Variants in C18orf63 observed in about 807,000 individuals in gnomAD.
C18orf63 encodes uncharacterized protein C18orf63.
In C18orf63, 50 loss-of-function variants were observed where a neutral mutation model predicts 75.3. The ratio of observed to expected loss-of-function variants is 0.66; its 90% CI spans 0.53 to 0.84. The LOEUF is 0.84. C18orf63 is among the 40% of genes least tolerant of loss of function. The pLI, the probability that C18orf63 is intolerant of heterozygous loss-of-function variation, is 0.00. For synonymous variants in C18orf63, 232 were observed against 267.6 expected (o/e 0.87, Z 1.30); for missense variants, 732 against 800.2 (o/e 0.91, Z 1.03).
chr18:74,329,277 A>C (rs1481062887), intron 6 of C18orf63, among the ~76,000 whole-genome samples: 1 of 150,640 alleles, frequency 6.6e-6, no homozygotes, highest in Non-Finnish European at 1.5e-5. Context: ...TGGGAGGCTG[A>C]AGTGGAGAGC....
At chr18:74,353,218 ATT>A in intron 11 of C18orf63, 26 bp from the exon 12 acceptor site, 1 of 1,389,798 alleles carries the variant, frequency 7.2e-7, no homozygotes, top group Non-Finnish European at 9.6e-7. Flanking sequence ...AACATTTTAA[ATT>A]TTTTTTTAAT....
At chr18:74,343,764 TCTCTTGTCTTCTG>T in intron 11 of C18orf63, 62 bp downstream of exon 11, 1 of 1,119,324 alleles carries the variant, frequency 8.9e-7, no homozygotes, top group Non-Finnish European at 1.2e-6. Context: ...TTTACTTGAA[TCTCTTGTCTTCTG>T]GGGTGGAACA....
intron 2 of C18orf63, 45 bp from the exon 3 acceptor site, chr18:74,320,468 A>G: frequency 7.4e-7 from 1 of 1,360,364 alleles, no homozygotes; most frequent in Non-Finnish European, 1.0e-6. Flanking sequence ...GGGACACAGA[A>G]CCAAACCATA....
chr18:74,340,397 C>G (rs534324341), intron 8 of C18orf63, among the ~76,000 whole-genome samples: 1 of 152,294 alleles, frequency 6.6e-6, no homozygotes, highest in East Asian at 1.9e-4. Context: ...CACTTGGACA[C>G]TGTTGATGAG....
Position 74,353,835 on chromosome 18 carries a change from CAA to C in C18orf63, c.1571_1572del (p.Lys524IlefsTer16). On this transcript the variant is annotated frameshift_variant, in exon 12 of 14. Coordinates refer to ENST00000579455, the MANE Select transcript of C18orf63 (RefSeq NM_001174123.2). LOFTEE classifies it high-confidence loss of function. ...AATACAGAGTCTTCTGAAAATATGA[CAA>C]AATTTCCCTCTTCTCGTGGAAAATC... The C allele has an allele frequency of 6.5e-7, 1 of 1,534,722 alleles. No homozygotes were observed. The highest frequency in any genetic ancestry group is 2.4e-5 in the East Asian group (1 of 40,858).
chr18:74,337,410 A>G (rs771922905), intron 7 of C18orf63, among the ~76,000 whole-genome samples: 45 of 152,238 alleles, frequency 3.0e-4, no homozygotes, highest in Non-Finnish European at 5.4e-4. Context: ...TGAATACTGT[A>G]GAAAGTACCC....
chr18:74,332,719 A>G (rs1943990), intron 7 of C18orf63, among the ~76,000 whole-genome samples: 1,419 of 35,026 alleles, frequency 0.041, 17 homozygotes, highest in South Asian at 0.17. Flanking sequence ...CTTAGAGGGG[A>G]AAAAAAAAAA....
chr18:74,328,453 G>A (rs966720197), intron 5 of C18orf63, among the ~76,000 whole-genome samples: 2 of 152,106 alleles, frequency 1.3e-5, no homozygotes, highest in East Asian at 1.9e-4. Context: ...TTCAGATGGG[G>A]ACACAGCCAA....
intron 4 of C18orf63, among the ~76,000 whole-genome samples, chr18:74,327,695 TACTG>T (rs1458816651): frequency 6.6e-6 from 1 of 152,174 alleles, no homozygotes; most frequent in Non-Finnish European, 1.5e-5. Flanking sequence ...GATTTAGACT[TACTG>T]GCCAGGGTCA....
chr18:74,349,583 C>T (rs141762551), intron 11 of C18orf63, among the ~76,000 whole-genome samples: 161 of 152,186 alleles, frequency 1.1e-3, no homozygotes, highest in African/African-American at 3.7e-3. Flanking sequence ...TTGTGAACTG[C>T]GTACACGAGG....
Position 74,343,636 on chromosome 18 carries a change from A to G in C18orf63, c.912A>G (p.Gly304=), listed in dbSNP as rs183755969. The G allele has an allele frequency of 7.1e-5, 109 of 1,534,660 alleles. No individual in the cohort carries two copies. In the Middle Eastern group the frequency reaches 2.2e-3, roughly 31 times the overall value. Residue 304 remains glycine (G), a synonymous_variant, in exon 11 of 14, where the codon GGA becomes GGG. Coordinates refer to ENST00000579455, the MANE Select transcript of C18orf63 (RefSeq NM_001174123.2). ...DLKSKLPHIC[G]FPIKMTSKPC... is the part of the protein sequence containing the mutation. ...AATCTAAACTGCCCCATATATGTGG[A>G]TTTCCCATAAAGATGACAAGTAAAC... is the stretch of plus-strand genomic sequence containing the variant.
At chr18:74,353,200 A>G in intron 11 of C18orf63, 46 bp from the exon 12 acceptor site, 1 of 1,151,212 alleles carries the variant, frequency 8.7e-7, no homozygotes, top group Non-Finnish European at 1.2e-6. Flanking sequence ...TCCATTAAGG[A>G]CATTATTAAC....
intron 3 of C18orf63, among the ~76,000 whole-genome samples, chr18:74,321,091 A>G (rs1176846429): frequency 1.3e-5 from 2 of 152,192 alleles, no homozygotes; most frequent in Non-Finnish European, 2.9e-5. Flanking sequence ...CGAAGTGCCA[A>G]AAATCTTTCT....
intron 4 of C18orf63, among the ~76,000 whole-genome samples, chr18:74,323,754 A>C (rs1399191279): frequency 5.3e-5 from 8 of 152,236 alleles, no homozygotes; most frequent in African/African-American, 1.7e-4. Flanking sequence ...TCAATATAAC[A>C]TTAATGAGAA....
At position 74,357,158 on chromosome 18, in the gene C18orf63, C is replaced by A. The variant is rs575574837; in HGVS notation, c.*711C>A. ...AAGCTATTTCTCAACAAAACTGGAG[C>A]CTTTATTGGGGTGGAGATTTCTGTT... On this transcript the variant is annotated 3_prime_UTR_variant, in exon 14 of 14. Coordinates refer to ENST00000579455, the MANE Select transcript of C18orf63 (RefSeq NM_001174123.2). The A allele has an allele frequency of 6.6e-4, 101 of 152,178 alleles. No individual in the cohort carries two copies. Among genetic ancestry groups the A allele is most frequent in the African/African-American group, 2.3e-3 (94 of 41,506 alleles). The allele number at this position is 152,178 out of a possible 1,614,324, so 9.4% of individuals were successfully genotyped here. A position where few individuals can be genotyped will look rare whatever the true frequency, so the allele number is the denominator to read the frequency against.
At chr18:74,346,654 A>T (rs189046740) in intron 11 of C18orf63, among the ~76,000 whole-genome samples, 86 of 152,346 alleles carry the variant, frequency 5.6e-4, no homozygotes, top group Non-Finnish European at 2.9e-5. Context: ...ATGTTTATTG[A>T]ATATATTTCT....
intron 7 of C18orf63, 120 bp from the exon 8 acceptor site, chr18:74,338,595 C>T (rs1984429631): frequency 4.7e-6 from 2 of 425,638 alleles, no homozygotes; most frequent in Non-Finnish European, 8.2e-6. Context: ...TTCAATGTAA[C>T]TTAAGTCTTT....
chr18:74,317,927 G>T lies in C18orf63; in HGVS notation c.62G>T (p.Cys21Phe). 1 of 1,533,976 alleles carries T rather than the reference G, an allele frequency of 6.5e-7. No homozygotes were observed. The highest frequency in any genetic ancestry group is 8.7e-7 in the Non-Finnish European group (1 of 1,145,274). ...FITLPDLNKL[C>F]AVRIILSNKV... ...ACACTTCCAGATTTAAACAAACTCT[G>T]TGCTGTCAGAATAATACTGAGTAAT... The change falls in exon 2 of 14, where the codon TGT becomes TTT. Residue 21 changes from cysteine (C) to phenylalanine (F), a missense_variant. Coordinates refer to ENST00000579455, the MANE Select transcript of C18orf63 (RefSeq NM_001174123.2).
intron 4 of C18orf63, among the ~76,000 whole-genome samples, chr18:74,325,263 T>C (rs1984189145): frequency 6.6e-6 from 1 of 152,232 alleles, no homozygotes; most frequent in Non-Finnish European, 1.5e-5. Context: ...CACGTTCTAA[T>C]TCCTGTTTGA....
Sources: gnomAD v4.1 joint callset for allele counts (sites outside exome capture counted in the v4.1 genomes callset) on GRCh38, gnomAD v4.1.1 for gene constraint, MANE v1.5 for transcripts, NCBI Gene and HGNC (gene_info 2026-07-23, HGNC 2026-07-21) for gene names.